ASAP1: variants seen among roughly 807,000 people sequenced by gnomAD.
ASAP1 encodes arf-GAP with SH3 domain, ANK repeat and PH domain-containing protein 1.
In ASAP1, 43 loss-of-function variants were observed where a neutral mutation model predicts 145.2. That is an observed-to-expected ratio of 0.30 (90% CI 0.23 to 0.38). The LOEUF (loss-of-function observed/expected upper bound fraction) is 0.38, where lower values mean the gene tolerates loss of function less well. ASAP1 is among the 10% of genes least tolerant of loss of function. ASAP1 has a pLI of 1.00. For synonymous variants in ASAP1, 546 were observed against 515.5 expected (o/e 1.06, Z -0.80); for missense variants, 1,018 against 1,355.3 (o/e 0.75, Z 3.91).
At chr8:130,247,449 C>CAAGG (rs1276250761) in intron 3 of ASAP1, among the ~76,000 whole-genome samples, 1 of 152,070 alleles carries the variant, frequency 6.6e-6, no homozygotes, top group Non-Finnish European at 1.5e-5. Context: ...TTCCTGATCT[C>CAAGG]AAGGTCTATA....
Position 130,118,670 on chromosome 8 carries a change from A to C in ASAP1, c.1613T>G (p.Val538Gly). 6.2e-7 allele frequency: 1 copy of C among 1,606,668 alleles called. No individual in the cohort carries two copies. The highest frequency in any genetic ancestry group is 8.5e-7 in the Non-Finnish European group (1 of 1,175,160). Residue 538 changes from valine to glycine, a missense_variant, in exon 19 of 30, where the codon GTA (valine) becomes GGA (glycine). Val to Gly is a moderately radical substitution (Grantham distance 109). Around this residue, in one of 9 missense-constraint regions of ASAP1, gnomAD observed 153 missense variants for 221.6 expected, o/e 0.69. Transcript: ENST00000518721. ...CTTTGCAGTGATATATTCTTTTCGT[A>C]CAGTCCTAAAACAGAACAAAATAAA... ...PKPTPSSDMT[V>G]RKEYITAKYV...
rs59778799 is a variant in ASAP1 at position 130,101,732 on chromosome 8, A to ATTT, written c.2402-9592_2402-9590dup. On this transcript the variant is annotated intron_variant, in intron 24 of 29. Transcript: ENST00000518721. ...AGGCATGTGCTACCACACCTGGTTA[A>ATTT]TTTTTTTTTTTTTTTTTTTTGCAGA... Among the ~76,000 whole-genome samples the ATTT allele has an allele frequency of 6.6e-4, 57 of 86,912 alleles. 5 individuals are homozygous for ATTT. Among genetic ancestry groups the ATTT allele is most frequent in the African/African-American group, 1.7e-3 (30 of 18,080 alleles). The allele number at this position is 86,912 out of a possible 152,430, so 57.0% of individuals were successfully genotyped here.
intron 24 of ASAP1, among the ~76,000 whole-genome samples, chr8:130,100,091 T>C (rs1001697748): frequency 6.6e-6 from 1 of 152,186 alleles, no homozygotes; most frequent in African/African-American, 2.4e-5. Flanking sequence ...ACCTCCATAC[T>C]GTTTTTCATT....
At chr8:130,409,859 C>T (rs1829190197) in intron 1 of ASAP1, among the ~76,000 whole-genome samples, 1 of 152,198 alleles carries the variant, frequency 6.6e-6, no homozygotes, top group Non-Finnish European at 1.5e-5. Context: ...TTATAGCCTA[C>T]TCTGAGTATA....
intron 20 of ASAP1, among the ~76,000 whole-genome samples, chr8:130,117,270 ACT>A: frequency 6.6e-6 from 1 of 152,336 alleles, no homozygotes; most frequent in Middle Eastern, 3.4e-3. Flanking sequence ...TGGGGTAAAT[ACT>A]AATAATAACC....
At chr8:130,191,211 G>A (rs767618669) in intron 5 of ASAP1, among the ~76,000 whole-genome samples, 2 of 152,166 alleles carry the variant, frequency 1.3e-5, no homozygotes, top group Non-Finnish European at 2.9e-5. Context: ...AGAGTCAGGT[G>A]TGAAAGGAGT....
At chr8:130,379,995 T>C (rs892535867) in intron 2 of ASAP1, among the ~76,000 whole-genome samples, 3 of 152,014 alleles carry the variant, frequency 2.0e-5, no homozygotes, top group Non-Finnish European at 4.4e-5. Flanking sequence ...CTCACCCTAC[T>C]CCCCACCCCT....
At chr8:130,384,180 T>C (rs1827906328) in intron 2 of ASAP1, among the ~76,000 whole-genome samples, 1 of 152,108 alleles carries the variant, frequency 6.6e-6, no homozygotes, top group Non-Finnish European at 1.5e-5. Flanking sequence ...CAAGACGACC[T>C]TCTGAGATGA....
chr8:130,220,244 T>C (rs970304711), intron 4 of ASAP1, among the ~76,000 whole-genome samples: 1 of 152,216 alleles, frequency 6.6e-6, no homozygotes, highest in African/African-American at 2.4e-5. Context: ...AAATGACTAA[T>C]ATAAACTAAT....
rs1456096160 is a variant in ASAP1 at position 130,361,814 on chromosome 8, G to A, written c.60-3671C>T. On this transcript the variant is annotated intron_variant, in intron 2 of 29. Coordinates refer to ENST00000518721, the MANE Select transcript of ASAP1 (RefSeq NM_018482.4). ...CTGACATGGGCAAAACGTAAATGCT[G>A]GATTTCTTTGTGTGGAGCTGCCCCG... 3.6e-6 allele frequency: 5 copies of A among 1,400,106 alleles called. No individual in the cohort carries two copies. The South Asian group carries it at 6.1e-5, about 17-fold the overall frequency. The allele number at this position is 1,400,106 out of a possible 1,614,324, so 86.7% of individuals were successfully genotyped here.
At chr8:130,419,551 A>C (rs568505546) in intron 1 of ASAP1, among the ~76,000 whole-genome samples, 1 of 152,268 alleles carries the variant, frequency 6.6e-6, no homozygotes, top group Non-Finnish European at 1.5e-5. Context: ...CTACGGGAAA[A>C]GGAAGCTGCG....
At chr8:130,115,543 A>C in intron 23 of ASAP1, 85 bp downstream of exon 23, 1 of 1,039,426 alleles carries the variant, frequency 9.6e-7, no homozygotes, top group Non-Finnish European at 1.5e-6. Flanking sequence ...ACAATCAATC[A>C]ATCTCACCAA....
chr8:130,436,106 T>C (rs1055054787), intron 1 of ASAP1, among the ~76,000 whole-genome samples: 1 of 152,110 alleles, frequency 6.6e-6, no homozygotes, highest in Non-Finnish European at 1.5e-5. Flanking sequence ...ATTAGTATAT[T>C]TAAAATGAAG....
At chr8:130,060,410 G>A (rs1222743430) in intron 28 of ASAP1, among the ~76,000 whole-genome samples, 169 bp downstream of exon 28, 1 of 152,182 alleles carries the variant, frequency 6.6e-6, no homozygotes, top group Non-Finnish European at 1.5e-5. Context: ...CCTAAAGCCT[G>A]GGTTTGTAAC....
At chr8:130,274,625 T>C (rs1820771635) in intron 3 of ASAP1, among the ~76,000 whole-genome samples, 1 of 152,224 alleles carries the variant, frequency 6.6e-6, no homozygotes. Context: ...GATGTATCTT[T>C]GAGAATTAAT....
intron 12 of ASAP1, among the ~76,000 whole-genome samples, chr8:130,155,592 C>T (rs1435648640): frequency 5.9e-5 from 9 of 152,196 alleles, no homozygotes; most frequent in Admixed American, 4.6e-4. Context: ...CGTGATCTGC[C>T]GGCCTCGGCC....
At chr8:130,153,800 G>A (rs1348227984) in intron 12 of ASAP1, among the ~76,000 whole-genome samples, 1 of 152,206 alleles carries the variant, frequency 6.6e-6, no homozygotes, top group Admixed American at 6.5e-5. Flanking sequence ...ACCCAAACCT[G>A]TTGGGGGTGG....
chr8:130,180,850 G>A lies in ASAP1; in HGVS notation c.561C>T (p.His187=), dbSNP rs148774514. The A allele has an allele frequency of 3.0e-5, 48 of 1,611,592 alleles. No homozygotes were observed. The highest frequency in any genetic ancestry group is 1.6e-4 in the Middle Eastern group (1 of 6,080). The change falls in exon 8 of 30, where the codon CAC becomes CAT. Residue 187 remains histidine (H), a synonymous_variant. Transcript: ENST00000518721. ...TGCGGATCATCCCATGTTGTTTTGC[G>A]TGCTCTCTTTTCTCTTTCTCAATTT... ...FTKIEKEKRE[H]AKQHGMIRTE... is the part of the protein sequence containing the mutation.
intron 2 of ASAP1, among the ~76,000 whole-genome samples, chr8:130,385,354 G>A (rs1039576357): frequency 6.6e-6 from 1 of 152,208 alleles, no homozygotes; most frequent in East Asian, 1.9e-4. Flanking sequence ...AGACTTGAGT[G>A]TGTCTAATTC....
Sources: gnomAD v4.1 joint callset for allele counts (sites outside exome capture counted in the v4.1 genomes callset) on GRCh38, gnomAD v4.1.1 for gene constraint, gnomAD v4.1.1 regional missense constraint, MANE v1.5 for transcripts, NCBI Gene and HGNC (gene_info 2026-07-23, HGNC 2026-07-21) for gene names.